Variants in LRRC4C observed in about 807,000 individuals in gnomAD.
LRRC4C encodes leucine-rich repeat-containing protein 4C.
Under a neutral mutation model 33.6 loss-of-function variants are expected in LRRC4C, and 5 were observed. The observed-to-expected ratio is 0.15, with a 90% CI of 0.08 to 0.31. LRRC4C has a LOEUF of 0.31. Ranked by LOEUF, LRRC4C falls within the 10% of genes least tolerant of loss-of-function variation. LRRC4C has a pLI of 1.00. For missense variants in LRRC4C, 560 were observed against 796.7 expected, an observed-to-expected ratio of 0.70 and a Z score of 3.58; for synonymous variants, 329 against 302.0, an observed-to-expected ratio of 1.09 and a Z score of -0.93.
At chr11:41,252,045 A>G (rs574667093) in intron 1 of LRRC4C, among the ~76,000 whole-genome samples, 11 of 152,204 alleles carry the variant, frequency 7.2e-5, no homozygotes, top group Non-Finnish European at 1.6e-4. Context: ...GAAATAAAAA[A>G]TATCTTTCTT....
intron 3 of LRRC4C, among the ~76,000 whole-genome samples, chr11:40,625,572 T>C (rs1160883567): frequency 6.6e-6 from 1 of 152,132 alleles, no homozygotes; most frequent in Non-Finnish European, 1.5e-5. Context: ...GGGATTATGG[T>C]AGCTACAATT....
chr11:40,972,391 C>T (rs367789038), intron 1 of LRRC4C, among the ~76,000 whole-genome samples: 1 of 152,092 alleles, frequency 6.6e-6, no homozygotes, highest in African/African-American at 2.4e-5. Flanking sequence ...CCCACCTCGG[C>T]TTCCCAAAGT....
At chr11:41,200,681 C>T (rs572063583) in intron 1 of LRRC4C, among the ~76,000 whole-genome samples, 5 of 152,196 alleles carry the variant, frequency 3.3e-5, no homozygotes, top group East Asian at 1.9e-4. Context: ...TTTTCTCTAC[C>T]GTCATCGAGT....
chr11:40,285,916 C>G (rs951254256), intron 4 of LRRC4C, among the ~76,000 whole-genome samples: 2 of 152,096 alleles, frequency 1.3e-5, no homozygotes, highest in Non-Finnish European at 2.9e-5. Context: ...TGCTATACAA[C>G]CTTAGACAAA....
chr11:41,171,438 C>T (rs915113593), intron 1 of LRRC4C, among the ~76,000 whole-genome samples: 1 of 152,068 alleles, frequency 6.6e-6, no homozygotes, highest in Non-Finnish European at 1.5e-5. Context: ...AGGATGAGTT[C>T]ATGTCCTTTG....
At chr11:41,066,174 A>T (rs965894583) in intron 1 of LRRC4C, among the ~76,000 whole-genome samples, 3 of 152,170 alleles carry the variant, frequency 2.0e-5, no homozygotes, top group Admixed American at 6.5e-5. Flanking sequence ...CATTGATAAA[A>T]GGTTACAGGA....
intron 1 of LRRC4C, among the ~76,000 whole-genome samples, chr11:41,114,597 A>C (rs1942021036): frequency 6.6e-6 from 1 of 152,026 alleles, no homozygotes; most frequent in African/African-American, 2.4e-5. Context: ...TCATCCTCAT[A>C]ATCTCCCTTT....
At chr11:41,191,493 A>C (rs534514246) in intron 1 of LRRC4C, among the ~76,000 whole-genome samples, 7 of 152,316 alleles carry the variant, frequency 4.6e-5, no homozygotes, top group Admixed American at 6.5e-5. Flanking sequence ...AAAAGTGGAC[A>C]CCAGTTTCTA....
intron 6 of LRRC4C, among the ~76,000 whole-genome samples, chr11:40,130,651 C>T (rs1469072403): frequency 6.6e-6 from 1 of 152,142 alleles, no homozygotes; most frequent in African/African-American, 2.4e-5. Flanking sequence ...CCAGACACTG[C>T]CAAATGTCCC....
At chr11:40,842,780 A>G (rs1952969458) in intron 2 of LRRC4C, among the ~76,000 whole-genome samples, 1 of 152,160 alleles carries the variant, frequency 6.6e-6, no homozygotes, top group Admixed American at 6.6e-5. Context: ...AGTGGGTCCT[A>G]GATCATAAAC....
intron 1 of LRRC4C, among the ~76,000 whole-genome samples, chr11:41,296,291 T>C (rs1176425081): frequency 6.6e-6 from 1 of 151,414 alleles, no homozygotes; most frequent in Non-Finnish European, 1.5e-5. Context: ...ATATATGTTA[T>C]TGCTGGTGAC....
chr11:41,315,067 G>T (rs1466477016), intron 1 of LRRC4C, among the ~76,000 whole-genome samples: 1 of 152,046 alleles, frequency 6.6e-6, no homozygotes, highest in Non-Finnish European at 1.5e-5. Context: ...TTATGAGGAA[G>T]GTTAAATAAA....
intron 2 of LRRC4C, among the ~76,000 whole-genome samples, chr11:40,691,358 C>T (rs1191779675): frequency 6.6e-6 from 1 of 151,942 alleles, no homozygotes; most frequent in Non-Finnish European, 1.5e-5. Context: ...TTCTCTCTCC[C>T]AAGTATCCAA....
At chr11:40,641,885 G>T (rs1942141601) in intron 3 of LRRC4C, among the ~76,000 whole-genome samples, 1 of 152,180 alleles carries the variant, frequency 6.6e-6, no homozygotes, top group African/African-American at 2.4e-5. Flanking sequence ...GAAAGTCATT[G>T]TTTATGTGAT....
chr11:40,812,735 C>A (rs1951544050), intron 2 of LRRC4C, among the ~76,000 whole-genome samples: 1 of 152,102 alleles, frequency 6.6e-6, no homozygotes, highest in African/African-American at 2.4e-5. Context: ...ATCCTAAAAG[C>A]AGCTTCTGTG....
intron 3 of LRRC4C, among the ~76,000 whole-genome samples, chr11:40,615,094 T>C (rs956246545): frequency 2.6e-5 from 4 of 151,258 alleles, no homozygotes; most frequent in Non-Finnish European, 5.9e-5. Context: ...AATTGCAAAA[T>C]ATCCAAAGAA....
intron 2 of LRRC4C, among the ~76,000 whole-genome samples, chr11:40,825,665 C>T (rs1329036633): frequency 6.6e-6 from 1 of 151,832 alleles, no homozygotes; most frequent in Non-Finnish European, 1.5e-5. Context: ...TCATTTTTCC[C>T]ACCTTCATTT....
At chr11:41,115,360 C>T (rs1188248419) in intron 1 of LRRC4C, among the ~76,000 whole-genome samples, 1 of 151,210 alleles carries the variant, frequency 6.6e-6, no homozygotes, top group Admixed American at 6.6e-5. Context: ...ATCACTGTTC[C>T]CTATATCCCC....
At chr11:40,293,356 A>G (rs1431123887) in intron 4 of LRRC4C, 1 of 147,010 alleles carries the variant, frequency 6.8e-6, no homozygotes, top group Non-Finnish European at 1.5e-5. Flanking sequence ...CACCCCCAGC[A>G]CCCGGTCCAG....
Sources: gnomAD v4.1 joint callset for allele counts (sites outside exome capture counted in the v4.1 genomes callset) on GRCh38, gnomAD v4.1.1 for gene constraint, MANE v1.5 for transcripts, NCBI Gene and HGNC (gene_info 2026-07-23, HGNC 2026-07-21) for gene names.